The following HOXC6 variants were observed in gnomAD, a reference collection of about 807,000 sequenced individuals.
The protein encoded by HOXC6 is homeobox C6.
A neutral mutation model predicts 24.0 loss-of-function variants in HOXC6; 10 were observed. That is an observed-to-expected ratio of 0.42 (90% CI 0.26 to 0.71). The LOEUF is 0.71. Among genes scored for constraint, HOXC6 ranks in the 30% least tolerant of loss-of-function variants. The probability of loss-of-function intolerance (pLI) is 0.28; values close to 1 mark genes in which losing one functional copy is unlikely to be tolerated. For missense variants in HOXC6, 258 were observed against 303.4 expected (o/e 0.85, Z 1.11); for synonymous variants, 123 against 128.1 (o/e 0.96, Z 0.27).
intron 1 of HOXC6, 60 bp downstream of exon 1, chr12:54,028,981 T>C (rs1940858710): frequency 6.7e-7 from 1 of 1,497,602 alleles, no homozygotes; most frequent in East Asian, 2.3e-5. Flanking sequence ...ATGACCGGCT[T>C]CCCTAGAAGA....
chr12:54,021,965 G>A (rs536770209), intron 1 of HOXC6: 3 of 152,366 alleles, frequency 2.0e-5, no homozygotes, highest in African/African-American at 7.2e-5. Context: ...TTTCGGAGGG[G>A]AGGAAGCAGA....
chr12:54,025,529 G>C (rs574516435), upstream of HOXC6, among the ~76,000 whole-genome samples: 249 of 36,888 alleles, frequency 6.8e-3, 2 homozygotes, highest in Middle Eastern at 0.012. Context: ...AAGGTAATTG[G>C]GGGGGGGGGA....
upstream of HOXC6, among the ~76,000 whole-genome samples, chr12:54,026,946 CA>C (rs1940736085): frequency 7.3e-6 from 1 of 137,844 alleles, no homozygotes; most frequent in South Asian, 2.3e-4. Context: ...TCCCCCCCCC[CA>C]ACCCACCCAA....
upstream of HOXC6, among the ~76,000 whole-genome samples, chr12:54,026,650 G>A (rs940006952): frequency 6.6e-6 from 1 of 152,070 alleles, no homozygotes; most frequent in African/African-American, 2.4e-5. Context: ...AACACAAATT[G>A]TCTGGCAGGA....
intron 1 of HOXC6, chr12:54,021,029 C>T (rs1306389355): frequency 1.3e-5 from 2 of 152,324 alleles, no homozygotes; most frequent in Non-Finnish European, 1.5e-5. Context: ...GGCCCTGGCG[C>T]TGGAAGCCTC....
Position 54,030,192 on chromosome 12 carries a change from C to A in HOXC6, c.*230C>A. On this transcript the variant is annotated 3_prime_UTR_variant, in exon 2 of 2. Coordinates refer to ENST00000243108, the MANE Select transcript of HOXC6 (RefSeq NM_004503.4). The stretch of plus-strand genomic sequence containing the variant: ...CTCCTCGCTCCCTTGCTAGCTCGTT[C>A]TCGGCTTGTCTACAGGCCCTTTTCC... 2.2e-6 allele frequency: 1 copy of A among 464,720 alleles called. No homozygotes were observed. The highest frequency in any genetic ancestry group is 3.8e-6 in the Non-Finnish European group (1 of 261,288). The allele number at this position is 464,720 out of a possible 1,614,324, so 28.8% of individuals were successfully genotyped here.
Position 54,030,142 on chromosome 12 carries a change from A to C in HOXC6, c.*180A>C. The C allele has an allele frequency of 5.3e-6, 3 of 560,836 alleles. No individual in the cohort carries two copies. Among genetic ancestry groups the C allele is most frequent in the East Asian group, 3.0e-5 (1 of 33,314 alleles). 34.7% of individuals were successfully genotyped at this position (560,836 alleles called of 1,614,324 possible). A position where few individuals can be genotyped will look rare whatever the true frequency, so the allele number is the denominator to read the frequency against. The stretch of plus-strand genomic sequence containing the variant: ...TCTGGACCCCCTCCCTCACCGCACA[A>C]CTCTCTTTCACCACGCGCCTCCTCC... On this transcript the variant is annotated 3_prime_UTR_variant, in exon 2 of 2. Coordinates refer to ENST00000243108, the MANE Select transcript of HOXC6 (RefSeq NM_004503.4).
rs926101991 is a variant in HOXC6 at position 54,030,808 on chromosome 12, T to C, written c.*846T>C. The C allele has an allele frequency of 6.6e-6, 1 of 152,296 alleles. No individual in the cohort carries two copies. Among genetic ancestry groups the C allele is most frequent in the Non-Finnish European group, 1.5e-5 (1 of 68,048 alleles). 9.4% of individuals were successfully genotyped at this position (152,296 alleles called of 1,614,324 possible). ...CTCGAATATTTAATAAAACTGATATTATTTTTAAAACTTTATACCGGGAAT... is the reference window on the plus strand; with the variant it reads ...CTCGAATATTTAATAAAACTGATATCATTTTTAAAACTTTATACCGGGAAT... On this transcript the variant is annotated 3_prime_UTR_variant, in exon 2 of 2. Coordinates refer to ENST00000243108, the MANE Select transcript of HOXC6 (RefSeq NM_004503.4).
chr12:54,017,869 C>A (rs574155713), intron 1 of HOXC6, among the ~76,000 whole-genome samples: 119 of 152,288 alleles, frequency 7.8e-4, no homozygotes, highest in African/African-American at 2.7e-3. Context: ...CCCCCAACCC[C>A]CAAACAAACT....
intron 1 of HOXC6, among the ~76,000 whole-genome samples, chr12:54,022,952 G>A (rs1333042798): frequency 1.3e-5 from 2 of 152,226 alleles, no homozygotes; most frequent in African/African-American, 2.4e-5. Flanking sequence ...TCTTCCTCAT[G>A]TGACATCCTC....
chr12:54,030,189 G>T lies in HOXC6; in HGVS notation c.*227G>T. 2.1e-6 allele frequency: 1 copy of T among 471,770 alleles called. No individual in the cohort carries two copies. The highest frequency in any genetic ancestry group is 3.8e-6 in the Non-Finnish European group (1 of 265,890). 29.2% of individuals were successfully genotyped at this position (471,770 alleles called of 1,614,324 possible). On this transcript the variant is annotated 3_prime_UTR_variant, in exon 2 of 2. Transcript: ENST00000243108. The stretch of plus-strand genomic sequence containing the variant: ...CTCCTCCTCGCTCCCTTGCTAGCTC[G>T]TTCTCGGCTTGTCTACAGGCCCTTT...
intron 1 of HOXC6, among the ~76,000 whole-genome samples, chr12:54,018,010 G>A (rs900094291): frequency 2.0e-5 from 3 of 152,214 alleles, no homozygotes; most frequent in Non-Finnish European, 2.9e-5. Context: ...GGCGGCCGGC[G>A]GGGCCTGTTA....
At position 54,030,473 on chromosome 12, in the gene HOXC6, C is replaced by T. The variant is rs1395673838; in HGVS notation, c.*511C>T. On this transcript the variant is annotated 3_prime_UTR_variant, in exon 2 of 2. Transcript: ENST00000243108. The stretch of plus-strand genomic sequence containing the variant: ...GCCTCCCCGCAGTCCCTGCCTAGCC[C>T]CTCTGCCCCAGCAAATGCCCAGCCC... 6.5e-6 allele frequency: 1 copy of T among 152,922 alleles called. No individual in the cohort carries two copies. The highest frequency in any genetic ancestry group is 1.5e-5 in the Non-Finnish European group (1 of 68,244). 9.5% of individuals were successfully genotyped at this position (152,922 alleles called of 1,614,324 possible). A position where few individuals can be genotyped will look rare whatever the true frequency, so the allele number is the denominator to read the frequency against.
upstream of HOXC6, among the ~76,000 whole-genome samples, chr12:54,027,036 A>G (rs1940749150): frequency 2.0e-5 from 3 of 150,720 alleles, no homozygotes; most frequent in Non-Finnish European, 4.4e-5. Flanking sequence ...AACTCAAGGC[A>G]TTTTCAGCCT....
At chr12:54,020,326 C>A (rs796917771) in intron 1 of HOXC6, 9 of 152,268 alleles carry the variant, frequency 5.9e-5, no homozygotes, top group African/African-American at 2.2e-4. Context: ...CTTTGGGCAC[C>A]CTTAGGCTTG....
chr12:54,024,379 TGCAGC>T (rs199497844), upstream of HOXC6, among the ~76,000 whole-genome samples: 443 of 152,202 alleles, frequency 2.9e-3, 12 homozygotes, highest in East Asian at 0.068. Context: ...GAGCTGTAGT[TGCAGC>T]GCGGCAGTCA....
At chr12:54,025,388 A>C (rs994174557), upstream of HOXC6, among the ~76,000 whole-genome samples, 1 of 152,118 alleles carries the variant, frequency 6.6e-6, no homozygotes, top group Admixed American at 6.5e-5. Context: ...AAGAAAATAT[A>C]ATCCAATGTA....
chr12:54,019,880 C>G (rs982783339), intron 1 of HOXC6: 1 of 152,202 alleles, frequency 6.6e-6, no homozygotes, highest in African/African-American at 2.4e-5. Flanking sequence ...CACCCCCATC[C>G]TATGCCCTTC....
intron 1 of HOXC6, among the ~76,000 whole-genome samples, chr12:54,022,759 G>A (rs967264772): frequency 6.6e-6 from 1 of 152,098 alleles, no homozygotes; most frequent in African/African-American, 2.4e-5. Flanking sequence ...TAACTGGTAG[G>A]ACATTTACAA....
Sources: gnomAD v4.1 joint callset for allele counts (sites outside exome capture counted in the v4.1 genomes callset) on GRCh38, gnomAD v4.1.1 for gene constraint, MANE v1.5 for transcripts, NCBI Gene and HGNC (gene_info 2026-07-23, HGNC 2026-07-21) for gene names.